Variants in PLPP4 observed in about 807,000 individuals in gnomAD.
The protein encoded by PLPP4 is diacylglycerol pyrophosphate like 2.
Under a neutral mutation model 32.2 loss-of-function variants are expected in PLPP4, and 20 were observed. The observed-to-expected ratio is 0.62, with a 90% CI of 0.44 to 0.90. The LOEUF (loss-of-function observed/expected upper bound fraction) is 0.90. Among genes scored for constraint, PLPP4 ranks in the 40% least tolerant of loss-of-function variants. The pLI is 0.00. For missense variants in PLPP4, 257 were observed against 353.1 expected, an observed-to-expected ratio of 0.73 and a Z score of 2.18; for synonymous variants, 127 against 133.0, an observed-to-expected ratio of 0.95 and a Z score of 0.31.
At chr10:120,579,955 A>AT (rs1849408532) in intron 6 of PLPP4, among the ~76,000 whole-genome samples, 1 of 150,824 alleles carries the variant, frequency 6.6e-6, no homozygotes, top group South Asian at 2.1e-4. Context: ...AAAAAAAAAA[A>AT]AAAAATACAA....
chr10:120,579,636 T>C (rs1426336579), intron 6 of PLPP4, among the ~76,000 whole-genome samples: 4 of 152,196 alleles, frequency 2.6e-5, no homozygotes, highest in Non-Finnish European at 4.4e-5. Context: ...AAACCCTTTT[T>C]TCAAAGCCTG....
intron 5 of PLPP4, among the ~76,000 whole-genome samples, chr10:120,569,372 A>G (rs1392324983): frequency 1.3e-5 from 2 of 151,904 alleles, no homozygotes; most frequent in South Asian, 2.1e-4. Context: ...TTTTCTTCCC[A>G]CCACTGTTCT....
At chr10:120,528,186 T>C (rs917705697) in intron 5 of PLPP4, among the ~76,000 whole-genome samples, 1 of 144,454 alleles carries the variant, frequency 6.9e-6, no homozygotes, top group South Asian at 2.3e-4. Context: ...GCCATTCTCC[T>C]GCCTCCGCCT....
chr10:120,579,963 C>CA (rs1460405912), intron 6 of PLPP4, among the ~76,000 whole-genome samples: 3 of 133,180 alleles, frequency 2.3e-5, no homozygotes, highest in Non-Finnish European at 4.9e-5. Flanking sequence ...AAAAAAAATA[C>CA]AAAAAAATTA....
At chr10:120,565,229 A>G (rs1042193467) in intron 5 of PLPP4, among the ~76,000 whole-genome samples, 2 of 152,034 alleles carry the variant, frequency 1.3e-5, no homozygotes, top group African/African-American at 4.8e-5. Context: ...ATATGCCAGT[A>G]TCTTTGCTTA....
intron 1 of PLPP4, among the ~76,000 whole-genome samples, chr10:120,475,723 G>A (rs989576972): frequency 6.6e-6 from 1 of 152,186 alleles, no homozygotes. Flanking sequence ...TCGGGAAAAG[G>A]GATGGAACCT....
intron 1 of PLPP4, among the ~76,000 whole-genome samples, chr10:120,462,296 C>T (rs1208194885): frequency 1.3e-5 from 2 of 152,088 alleles, no homozygotes; most frequent in African/African-American, 2.4e-5. Context: ...CAGGGCCCTG[C>T]AGGGCAGGGG....
At chr10:120,469,893 T>C (rs1414020219) in intron 1 of PLPP4, among the ~76,000 whole-genome samples, 1 of 152,248 alleles carries the variant, frequency 6.6e-6, no homozygotes, top group Non-Finnish European at 1.5e-5. Flanking sequence ...TCATGGAATC[T>C]TAGGGTATTT....
intron 1 of PLPP4, among the ~76,000 whole-genome samples, chr10:120,485,836 C>G (rs1345150295): frequency 6.6e-6 from 1 of 152,170 alleles, no homozygotes; most frequent in Non-Finnish European, 1.5e-5. Context: ...GTGGGCCTGC[C>G]CCACCCTGGC....
At chr10:120,499,271 CT>C (rs572545158) in intron 1 of PLPP4, among the ~76,000 whole-genome samples, 1 of 152,082 alleles carries the variant, frequency 6.6e-6, no homozygotes, top group Non-Finnish European at 1.5e-5. Flanking sequence ...GTTGCTGTGC[CT>C]TTTCATTTTG....
intron 1 of PLPP4, among the ~76,000 whole-genome samples, chr10:120,480,745 G>T (rs1317398312): frequency 6.6e-6 from 1 of 152,134 alleles, no homozygotes; most frequent in African/African-American, 2.4e-5. Flanking sequence ...GACCTAAAGG[G>T]TGCTAATCTG....
chr10:120,572,189 A>G (rs189812163), intron 5 of PLPP4, among the ~76,000 whole-genome samples: 1 of 152,286 alleles, frequency 6.6e-6, no homozygotes, highest in Non-Finnish European at 1.5e-5. Flanking sequence ...GAGAGAATAC[A>G]TTTTACCTAC....
intron 5 of PLPP4, among the ~76,000 whole-genome samples, chr10:120,571,837 G>A (rs1321520279): frequency 6.6e-6 from 1 of 152,208 alleles, no homozygotes; most frequent in Admixed American, 6.5e-5. Flanking sequence ...ATGCCCTTGG[G>A]CCAGAGGGAA....
chr10:120,591,791 T>C lies in PLPP4; in HGVS notation c.*2289T>C, dbSNP rs923623660. Among the ~76,000 whole-genome samples the C allele has an allele frequency of 3.9e-5, 6 of 152,196 alleles. No homozygotes were observed. The highest frequency in any genetic ancestry group is 3.9e-4 in the Admixed American group (6 of 15,278). On this transcript the variant is annotated 3_prime_UTR_variant, in exon 7 of 7. Coordinates refer to ENST00000398250, the MANE Select transcript of PLPP4 (RefSeq NM_001030059.3). ...TTAAAGATAAATGGCCAGGAAGTAC[T>C]CTGCAAAGTAACAACAGAGTATTAC...
At chr10:120,470,009 A>G (rs541246549) in intron 1 of PLPP4, among the ~76,000 whole-genome samples, 14 of 152,314 alleles carry the variant, frequency 9.2e-5, no homozygotes, top group Admixed American at 2.6e-4. Flanking sequence ...TTTCTGGGTC[A>G]AGACCACGTA....
intron 5 of PLPP4, among the ~76,000 whole-genome samples, chr10:120,547,823 T>C (rs1288165033): frequency 6.6e-6 from 1 of 152,292 alleles, no homozygotes; most frequent in East Asian, 1.9e-4. Context: ...AGACATGAGT[T>C]GAATCCAAAA....
In PLPP4 at chr10:120,511,465, G is replaced by A. The variant is rs147581551; in HGVS notation, c.166-2446G>A. Among the ~76,000 whole-genome samples, 536 of 152,298 alleles carry A rather than the reference G, an allele frequency of 3.5e-3. 2 individuals carry two copies. The highest frequency in any genetic ancestry group is 0.012 in the African/African-American group (502 of 41,560). On this transcript the variant is annotated intron_variant, in intron 2 of 6. Coordinates refer to ENST00000398250, the MANE Select transcript of PLPP4 (RefSeq NM_001030059.3). ...ATACCAGCTGGGATTGCCTTGAAAT[G>A]TTTCCTTCAAAACCATGTTGTTCTC...
At chr10:120,498,414 AT>A (rs1247544282) in intron 1 of PLPP4, among the ~76,000 whole-genome samples, 2 of 152,042 alleles carry the variant, frequency 1.3e-5, no homozygotes, top group Non-Finnish European at 2.9e-5. Flanking sequence ...ATTAAATAGC[AT>A]TTTTTCCTTT....
In PLPP4 at chr10:120,495,516, T is replaced by C. The variant is rs376048446; in HGVS notation, c.57-8302T>C. Reference sequence around the variant, plus strand: ...CCTGTTTATAAGAGCTTTTCCCCATTGCCCGAGAGAGAGGCTGACTAGGGA... The same window carrying C: ...CCTGTTTATAAGAGCTTTTCCCCATCGCCCGAGAGAGAGGCTGACTAGGGA... On this transcript the variant is annotated intron_variant, in intron 1 of 6. Coordinates refer to ENST00000398250, the MANE Select transcript of PLPP4 (RefSeq NM_001030059.3). Among the ~76,000 whole-genome samples, 9 of 152,262 alleles carry C rather than the reference T, an allele frequency of 5.9e-5. No homozygotes were observed. In the South Asian group the frequency reaches 1.5e-3, roughly 25 times the overall value.
Sources: allele counts gnomAD v4.1 joint callset (sites outside exome capture counted in the v4.1 genomes callset), GRCh38; gene constraint gnomAD v4.1.1; transcripts MANE v1.5; gene names NCBI Gene and HGNC (gene_info 2026-07-23, HGNC 2026-07-21).